The following NSUN2 variants were observed in gnomAD, a reference collection of about 807,000 sequenced individuals.
NSUN2 encodes the protein NOP2/Sun RNA methyltransferase 2, also known as RNA cytosine C(5)-methyltransferase NSUN2.
NSUN2 carries 63 observed loss-of-function variants against 92.7 expected under a neutral mutation model. That is an observed-to-expected ratio of 0.68 (90% confidence interval 0.56 to 0.84). NSUN2 has a LOEUF of 0.84. Among genes scored for constraint, NSUN2 ranks in the 40% least tolerant of loss-of-function variants. NSUN2 has a pLI of 0.00. For synonymous variants in NSUN2, 356 were observed against 348.3 expected (o/e 1.02, Z -0.25); for missense variants, 989 against 964.9 (o/e 1.02, Z -0.33).
At chr5:6,604,733 C>G in intron 15 of NSUN2, 48 bp from the exon 16 acceptor site, 1 of 1,483,376 alleles carries the variant, frequency 6.7e-7, no homozygotes, top group Non-Finnish European at 9.4e-7. Context: ...AAGACAGGAC[C>G]ATCTCCTGTA....
chr5:6,602,340 G>A (rs1157589087), intron 18 of NSUN2, 121 bp downstream of exon 18: 3 of 945,916 alleles, frequency 3.2e-6, no homozygotes, highest in African/African-American at 3.3e-5. Flanking sequence ...TACTTCTGAG[G>A]AACAATCACA....
intron 10 of NSUN2, 74 bp downstream of exon 10, chr5:6,611,651 T>C: frequency 8.1e-7 from 1 of 1,227,156 alleles, no homozygotes; most frequent in Non-Finnish European, 1.2e-6. Flanking sequence ...CACACGTGAA[T>C]GCTTTGAAAC....
intron 4 of NSUN2, among the ~76,000 whole-genome samples, chr5:6,625,359 C>T (rs568703332): frequency 6.6e-6 from 1 of 152,292 alleles, no homozygotes; most frequent in East Asian, 1.9e-4. Flanking sequence ...GATATCCTTA[C>T]TAAATTTCAT....
chr5:6,632,512 T>C (rs1737964129), intron 2 of NSUN2, 87 bp downstream of exon 2: 1 of 1,486,472 alleles, frequency 6.7e-7, no homozygotes, highest in Admixed American at 1.8e-5. Flanking sequence ...TCTCTGGCAC[T>C]GTAACACTTG....
intron 4 of NSUN2, among the ~76,000 whole-genome samples, chr5:6,624,744 C>T (rs188976608): frequency 6.6e-6 from 1 of 152,186 alleles, no homozygotes; most frequent in Admixed American, 6.5e-5. Flanking sequence ...ACTTAGATGA[C>T]AGAAGGCCAA....
rs1560148 is a variant in NSUN2 at position 6,610,124 on chromosome 5, T to G, written c.1227-202A>C. On this transcript the variant is annotated intron_variant, in intron 11 of 18. Coordinates refer to ENST00000264670, the MANE Select transcript of NSUN2 (RefSeq NM_017755.6). ...TGTTGCCTAGGCTGGAGTGCAGTGG[T>G]GTGATCTCAACCCACTGTAGCCTCC... Among the ~76,000 whole-genome samples the G allele has an allele frequency of 4.1e-3, 627 of 151,110 alleles. 5 individuals are homozygous for G. The highest frequency in any genetic ancestry group is 0.014 in the African/African-American group (589 of 41,180).
Position 6,633,006 on chromosome 5 carries a change from G to A in NSUN2, c.-27C>T, listed in dbSNP as rs190264173. 3.5e-5 allele frequency: 50 copies of A among 1,421,692 alleles called. No homozygotes were observed. Among genetic ancestry groups the A allele is most frequent in the Non-Finnish European group, 4.1e-5 (45 of 1,099,244 alleles). 88.1% of individuals were successfully genotyped at this position (1,421,692 alleles called of 1,614,324 possible). The stretch of plus-strand genomic sequence containing the variant: ...GCCCACGCGGCCGCGCACGCAGCAC[G>A]CAGAAACCGGCCCGCCACGGCCAGA... On this transcript the variant is annotated 5_prime_UTR_variant, in exon 1 of 19. Coordinates refer to ENST00000264670, the MANE Select transcript of NSUN2 (RefSeq NM_017755.6).
intron 9 of NSUN2, among the ~76,000 whole-genome samples, chr5:6,612,796 G>A (rs113016265): frequency 0.037 from 5,673 of 152,318 alleles, 133 homozygotes; most frequent in Non-Finnish European, 0.055. Flanking sequence ...CTGTCCAGGG[G>A]CTTCACAGAT....
At position 6,625,728 on chromosome 5, in the gene NSUN2, A is replaced by G; in HGVS notation, c.360-59T>C. On this transcript the variant is annotated intron_variant, in intron 3 of 18. Transcript: ENST00000264670. ...ATAAATACTAAAGTCGTCTGTTGAC[A>G]ACTTTGTGCTTCTATCAGTCGCATG... 3 of 1,233,746 alleles carry G rather than the reference A, an allele frequency of 2.4e-6. No homozygotes were observed. The South Asian group carries it at 3.7e-5, about 15-fold the overall frequency. The allele number at this position is 1,233,746 out of a possible 1,614,324, so 76.4% of individuals were successfully genotyped here.
intron 6 of NSUN2, 106 bp downstream of exon 6, chr5:6,621,910 T>C (rs1270864715): frequency 3.3e-6 from 3 of 903,528 alleles, no homozygotes; most frequent in African/African-American, 1.6e-5. Flanking sequence ...CTGCTTGTCA[T>C]AGGAGACTTT....
intron 3 of NSUN2, among the ~76,000 whole-genome samples, chr5:6,629,113 T>C (rs1579381087): frequency 6.6e-6 from 1 of 152,228 alleles, no homozygotes; most frequent in Admixed American, 6.5e-5. Context: ...AGATCTACAA[T>C]GTTTTGTTCA....
chr5:6,605,061 C>T (rs543878851), intron 15 of NSUN2: 77 of 670,640 alleles, frequency 1.1e-4, no homozygotes, highest in Non-Finnish European at 1.8e-4. Context: ...ACAGAAAAGA[C>T]ACAGGCCACC....
chr5:6,632,851 C>T, intron 1 of NSUN2, 33 bp downstream of exon 1: 2 of 1,542,444 alleles, frequency 1.3e-6, no homozygotes, highest in Non-Finnish European at 1.7e-6. Context: ...CCAGGAGGAG[C>T]CCCTGGCCCG....
chr5:6,616,964 T>A, intron 8 of NSUN2, 107 bp from the exon 9 acceptor site: 1 of 1,022,848 alleles, frequency 9.8e-7, no homozygotes, highest in Non-Finnish European at 1.4e-6. Flanking sequence ...TATAACACAA[T>A]TATACTTAAA....
intron 3 of NSUN2, among the ~76,000 whole-genome samples, chr5:6,629,764 C>T (rs1370143471): frequency 6.6e-6 from 1 of 152,106 alleles, no homozygotes; most frequent in Non-Finnish European, 1.5e-5. Context: ...ATCCCCGGGC[C>T]GTTTCCCTCA....
chr5:6,605,638 T>G (rs1047829014), intron 14 of NSUN2, among the ~76,000 whole-genome samples: 3 of 151,994 alleles, frequency 2.0e-5, no homozygotes, highest in Non-Finnish European at 4.4e-5. Context: ...AATTAACAAG[T>G]GCAGCTTCTC....
intron 8 of NSUN2, among the ~76,000 whole-genome samples, chr5:6,617,370 T>G (rs1455560161): frequency 6.6e-6 from 1 of 152,156 alleles, no homozygotes; most frequent in Admixed American, 6.5e-5. Flanking sequence ...GCATTTGTCA[T>G]GTCAAATGAA....
intron 9 of NSUN2, among the ~76,000 whole-genome samples, chr5:6,616,490 G>A (rs1341194222): frequency 6.6e-6 from 1 of 152,116 alleles, no homozygotes; most frequent in African/African-American, 2.4e-5. Flanking sequence ...TGGTGTGAGG[G>A]GCAGGGAAGA....
intron 18 of NSUN2, among the ~76,000 whole-genome samples, chr5:6,600,490 A>G (rs73737133): frequency 1.3e-5 from 2 of 152,068 alleles, no homozygotes; most frequent in East Asian, 3.9e-4. Flanking sequence ...AGAGGCCCCA[A>G]ATCTACAGAT....
Sources: allele counts gnomAD v4.1 joint callset (sites outside exome capture counted in the v4.1 genomes callset), GRCh38; gene constraint gnomAD v4.1.1; transcripts MANE v1.5; gene names NCBI Gene and HGNC (gene_info 2026-07-23, HGNC 2026-07-21).